Variants in ATP8B4 observed in about 807,000 individuals in gnomAD.
ATP8B4 encodes the protein ATPase phospholipid transporting 8B4 (putative), also known as probable phospholipid-transporting ATPase IM.
A neutral mutation model predicts 145.6 loss-of-function variants in ATP8B4; 133 were observed. The observed-to-expected ratio is 0.91, with a 90% CI of 0.79 to 1.05. The LOEUF is 1.05. ATP8B4 is among the 50% of genes least tolerant of loss of function. ATP8B4 has a pLI of 0.00. For synonymous variants in ATP8B4, 507 were observed against 492.9 expected, an observed-to-expected ratio of 1.03 and a Z score of -0.38; for missense variants, 1,458 against 1,425.2, an observed-to-expected ratio of 1.02 and a Z score of -0.37.
rs1040831856 is a variant in ATP8B4, at chr15:49,941,878, G to GT, written c.1288-7697dup. On this transcript the variant is annotated intron_variant, in intron 14 of 27. Transcript: ENST00000284509. ...CTCAGCCATAAAAAAAGAATAAAATGTTTTTTTGCAGCAACTTGGATGAGG... is the reference window on the plus strand; with the variant it reads ...CTCAGCCATAAAAAAAGAATAAAATGTTTTTTTTGCAGCAACTTGGATGAGG... 7.2e-5 allele frequency among the ~76,000 whole-genome samples: 11 copies of GT among 152,150 alleles called. No homozygotes were observed. The East Asian group carries it at 7.7e-4, about 11-fold the overall frequency.
chr15:50,106,252 T>A (rs191743131), intron 2 of ATP8B4, among the ~76,000 whole-genome samples: 28 of 152,298 alleles, frequency 1.8e-4, no homozygotes, highest in Non-Finnish European at 3.5e-4. Context: ...CATAATAGGT[T>A]GGACACACGT....
At chr15:50,153,553 A>G (rs374714424) in intron 1 of ATP8B4, among the ~76,000 whole-genome samples, 186 of 152,144 alleles carry the variant, frequency 1.2e-3, no homozygotes, top group East Asian at 3.3e-3. Context: ...TAGCCAGGAT[A>G]GTCTCGATCT....
At chr15:50,078,815 T>C (rs1460709292) in intron 2 of ATP8B4, among the ~76,000 whole-genome samples, 1 of 152,126 alleles carries the variant, frequency 6.6e-6, no homozygotes, top group Non-Finnish European at 1.5e-5. Context: ...ACATTTCTCA[T>C]CAGCAATAAG....
In ATP8B4 at chr15:49,860,075, G is replaced by A; in HGVS notation, c.*119C>T. 3.9e-6 allele frequency: 5 copies of A among 1,274,094 alleles called. No individual in the cohort carries two copies. Among genetic ancestry groups the A allele is most frequent in the Admixed American group, 2.3e-5 (1 of 43,868 alleles). 78.9% of individuals were successfully genotyped at this position (1,274,094 alleles called of 1,614,324 possible). A position where few individuals can be genotyped will look rare whatever the true frequency, so the allele number is the denominator to read the frequency against. On this transcript the variant is annotated 3_prime_UTR_variant, in exon 28 of 28. Coordinates refer to ENST00000284509, the MANE Select transcript of ATP8B4 (RefSeq NM_024837.4). ...TGGCAGTTGTCTGCCGCAGATTTAAGTTAAGTGAGGCAATCTGCCTGCCCC... is the reference window on the plus strand; with the variant it reads ...TGGCAGTTGTCTGCCGCAGATTTAAATTAAGTGAGGCAATCTGCCTGCCCC...
At chr15:50,048,623 G>A (rs749913861) in intron 3 of ATP8B4, among the ~76,000 whole-genome samples, 32 of 151,404 alleles carry the variant, frequency 2.1e-4, no homozygotes, top group Admixed American at 7.9e-4. Flanking sequence ...CAGGAGAATC[G>A]CTTGAACCCA....
rs796804016 is a variant in ATP8B4, at chr15:50,085,957, ATATATT to A, written c.29-11778_29-11773del. On this transcript the variant is annotated intron_variant, in intron 2 of 27. Transcript: ENST00000284509. Reference sequence around the variant, plus strand: ...TATATTTATATATGATATATATCATATATATTTATATATGATATATCAAATATATCA... The same window carrying A: ...TATATTTATATATGATATATATCATATATATATGATATATCAAATATATCA... Among the ~76,000 whole-genome samples the A allele has an allele frequency of 1.7e-3, 44 of 26,150 alleles. 3 individuals carry two copies. The highest frequency in any genetic ancestry group is 5.5e-3 in the African/African-American group (14 of 2,544). The allele number at this position is 26,150 out of a possible 152,430, so 17.2% of individuals were successfully genotyped here. A position where few individuals can be genotyped will look rare whatever the true frequency, so the allele number is the denominator to read the frequency against.
intron 1 of ATP8B4, among the ~76,000 whole-genome samples, chr15:50,181,219 G>A (rs192100364): frequency 6.4e-4 from 97 of 152,270 alleles, no homozygotes; most frequent in Non-Finnish European, 1.3e-3. Context: ...TAAGATAGAG[G>A]AACACAGGAG....
chr15:50,138,318 A>ATAGATAGG (rs1391503108), intron 1 of ATP8B4, among the ~76,000 whole-genome samples: 4 of 125,732 alleles, frequency 3.2e-5, no homozygotes, highest in Non-Finnish European at 6.8e-5. Flanking sequence ...ATATAGATAG[A>ATAGATAGG]TAGATAGGTA....
chr15:49,996,571 G>T, intron 9 of ATP8B4, 106 bp downstream of exon 9: 4 of 905,460 alleles, frequency 4.4e-6, no homozygotes, highest in East Asian at 2.7e-5. Flanking sequence ...AGAATTTGAT[G>T]TCCTTCCACC....
chr15:50,064,343 G>A (rs530668390), intron 3 of ATP8B4, among the ~76,000 whole-genome samples: 2 of 152,244 alleles, frequency 1.3e-5, no homozygotes, highest in Admixed American at 6.5e-5. Flanking sequence ...AGGACTGCTA[G>A]AGACACCAAG....
At chr15:49,968,128 C>G (rs558766141) in intron 13 of ATP8B4, among the ~76,000 whole-genome samples, 1 of 152,206 alleles carries the variant, frequency 6.6e-6, no homozygotes, top group Non-Finnish European at 1.5e-5. Flanking sequence ...GAAAGAAGCA[C>G]TAAATATGGA....
At chr15:50,126,132 T>C (rs1475261713) in intron 1 of ATP8B4, among the ~76,000 whole-genome samples, 1 of 150,242 alleles carries the variant, frequency 6.7e-6, no homozygotes, top group African/African-American at 2.5e-5. Flanking sequence ...TATTTCAGTG[T>C]GGGTGTGGAG....
At chr15:50,098,815 A>G (rs1279748976) in intron 2 of ATP8B4, among the ~76,000 whole-genome samples, 1 of 152,130 alleles carries the variant, frequency 6.6e-6, no homozygotes, top group Non-Finnish European at 1.5e-5. Context: ...CAGAGTGCCT[A>G]GGGCCCATGA....
In ATP8B4 at chr15:49,950,601, AAC is replaced by A. The variant is rs1491016247; in HGVS notation, c.1287+11374_1287+11375del. On this transcript the variant is annotated intron_variant, in intron 14 of 27. Coordinates refer to ENST00000284509, the MANE Select transcript of ATP8B4 (RefSeq NM_024837.4). ...ATCTATGTATTAACTAAAAAAAAAA[AAC>A]AAACAAACAAACAAACAAAAAAAAC... is the stretch of plus-strand genomic sequence containing the variant. Among the ~76,000 whole-genome samples the A allele has an allele frequency of 7.6e-3, 663 of 86,936 alleles. 5 individuals carry two copies. The highest frequency in any genetic ancestry group is 0.015 in the Middle Eastern group (3 of 204). The allele number at this position is 86,936 out of a possible 152,430, so 57.0% of individuals were successfully genotyped here. A position where few individuals can be genotyped will look rare whatever the true frequency, so the allele number is the denominator to read the frequency against.
chr15:50,147,252 C>T (rs574751963), intron 1 of ATP8B4, among the ~76,000 whole-genome samples: 2 of 152,030 alleles, frequency 1.3e-5, no homozygotes, highest in South Asian at 4.2e-4. Context: ...CCTGCCTCTA[C>T]TACAATTACA....
At chr15:50,073,035 C>T (rs1226635684) in intron 3 of ATP8B4, among the ~76,000 whole-genome samples, 1 of 132,728 alleles carries the variant, frequency 7.5e-6, no homozygotes, top group Admixed American at 7.7e-5. Context: ...CACACACACA[C>T]ACACACACAC....
At chr15:50,169,831 A>T (rs1253536499) in intron 1 of ATP8B4, among the ~76,000 whole-genome samples, 5 of 152,242 alleles carry the variant, frequency 3.3e-5, no homozygotes, top group African/African-American at 1.2e-4. Flanking sequence ...AGCTTAAAGA[A>T]AAAACAATCA....
intron 6 of ATP8B4, among the ~76,000 whole-genome samples, chr15:50,025,687 C>T (rs1207385267): frequency 6.6e-6 from 1 of 152,200 alleles, no homozygotes; most frequent in African/African-American, 2.4e-5. Flanking sequence ...GCAGCATTTG[C>T]CTTGGTTTGT....
At chr15:50,142,874 A>G (rs35507379) in intron 1 of ATP8B4, among the ~76,000 whole-genome samples, 23,102 of 152,156 alleles carry the variant, frequency 0.15, 2,300 homozygotes, top group Non-Finnish European at 0.22. Context: ...TCCACCATCC[A>G]TGGCCTTGAC....
Sources: gnomAD v4.1 joint callset for allele counts (sites outside exome capture counted in the v4.1 genomes callset) on GRCh38, gnomAD v4.1.1 for gene constraint, MANE v1.5 for transcripts, NCBI Gene and HGNC (gene_info 2026-07-23, HGNC 2026-07-21) for gene names.